The following TRPS1 variants were observed in gnomAD, a reference collection of about 807,000 sequenced individuals.
TRPS1 encodes the protein transcriptional repressor GATA binding 1, also known as zinc finger transcription factor Trps1.
In TRPS1, 6 loss-of-function variants were observed where a neutral mutation model predicts 101.2. The observed-to-expected ratio is 0.06, with a 90% confidence interval of 0.03 to 0.12. The LOEUF (loss-of-function observed/expected upper bound fraction) is 0.12. Ranked by LOEUF, TRPS1 falls within the 10% of genes least tolerant of loss-of-function variation. The pLI is 1.00. For synonymous variants in TRPS1, 578 were observed against 589.8 expected (o/e 0.98, Z 0.29); for missense variants, 1,363 against 1,567.0 (o/e 0.87, Z 2.20).
At chr8:115,541,810 G>A (rs1050260430) in intron 5 of TRPS1, among the ~76,000 whole-genome samples, 10 of 152,102 alleles carry the variant, frequency 6.6e-5, no homozygotes, top group Non-Finnish European at 1.3e-4. Context: ...ATTCTTGACC[G>A]TAATACAATA....
intron 4 of TRPS1, among the ~76,000 whole-genome samples, chr8:115,588,432 C>T (rs1817615127): frequency 6.6e-6 from 1 of 152,066 alleles, no homozygotes; most frequent in African/African-American, 2.4e-5. Context: ...AGAGGCTTTA[C>T]AAATATATTC....
chr8:115,487,875 T>C (rs1814923999), intron 5 of TRPS1, among the ~76,000 whole-genome samples: 1 of 152,216 alleles, frequency 6.6e-6, no homozygotes, highest in Non-Finnish European at 1.5e-5. Flanking sequence ...TTAAGAATAT[T>C]ACATCAACGT....
At chr8:115,552,163 C>G (rs1241047717) in intron 5 of TRPS1, among the ~76,000 whole-genome samples, 1 of 152,148 alleles carries the variant, frequency 6.6e-6, no homozygotes, top group African/African-American at 2.4e-5. Context: ...ATAGGTATCA[C>G]TTACAGTTTA....
At position 115,422,852 on chromosome 8, in the gene TRPS1, C is replaced by T. The variant is rs180923334; in HGVS notation, c.2701-4400G>A. Among the ~76,000 whole-genome samples, 4 of 152,304 alleles carry T rather than the reference C, an allele frequency of 2.6e-5. No individual in the cohort carries two copies. The East Asian group carries it at 5.8e-4, about 22-fold the overall frequency. On this transcript the variant is annotated intron_variant, in intron 5 of 6. Coordinates refer to ENST00000395715, the MANE Select transcript of TRPS1 (RefSeq NM_014112.5). ...GAGACAATAATTTGTACCTCCATCA[C>T]CTCGTGCCTGAGAGGGAAGAATTAT...
intron 3 of TRPS1, among the ~76,000 whole-genome samples, chr8:115,611,089 C>T (rs904376886): frequency 6.7e-5 from 10 of 149,998 alleles, no homozygotes; most frequent in African/African-American, 2.5e-4. Context: ...TGCACTCCAG[C>T]CTGGGCAACA....
intron 1 of TRPS1, among the ~76,000 whole-genome samples, chr8:115,645,735 C>T (rs1212492354): frequency 6.6e-6 from 1 of 152,128 alleles, no homozygotes; most frequent in East Asian, 1.9e-4. Context: ...TGGCACATGT[C>T]ATTAAAGGCC....
chr8:115,421,728 G>T (rs1036747927), intron 5 of TRPS1, among the ~76,000 whole-genome samples: 4 of 152,114 alleles, frequency 2.6e-5, no homozygotes, highest in African/African-American at 9.7e-5. Context: ...AGAGAAGGTG[G>T]GAGAAGTGGG....
chr8:115,523,527 G>A (rs1446709727), intron 5 of TRPS1, among the ~76,000 whole-genome samples: 4 of 152,002 alleles, frequency 2.6e-5, no homozygotes, highest in East Asian at 1.9e-4. Context: ...GCGAGGCTCT[G>A]TCTCAAAAAT....
At chr8:115,596,887 C>T (rs1817800400) in intron 4 of TRPS1, among the ~76,000 whole-genome samples, 1 of 151,624 alleles carries the variant, frequency 6.6e-6, no homozygotes, top group Non-Finnish European at 1.5e-5. Flanking sequence ...AAACACTATC[C>T]CACTGTGACT....
At chr8:115,666,739 C>T (rs936148834) in intron 1 of TRPS1, among the ~76,000 whole-genome samples, 2 of 152,162 alleles carry the variant, frequency 1.3e-5, no homozygotes, top group Non-Finnish European at 2.9e-5. Context: ...TGGAAGGTTC[C>T]TATTTTATTT....
At chr8:115,597,098 GTTCT>G (rs1265764279) in intron 4 of TRPS1, among the ~76,000 whole-genome samples, 2 of 151,638 alleles carry the variant, frequency 1.3e-5, no homozygotes, top group African/African-American at 4.8e-5. Context: ...TGGTTGTTTT[GTTCT>G]TTCTAAAAAA....
intron 5 of TRPS1, among the ~76,000 whole-genome samples, chr8:115,547,480 C>T (rs899140472): frequency 6.6e-5 from 10 of 152,146 alleles, no homozygotes; most frequent in Non-Finnish European, 1.2e-4. Flanking sequence ...AATACCTGCC[C>T]CTAGAGCTAG....
chr8:115,546,581 GACACACAC>G (rs71287285), intron 5 of TRPS1, among the ~76,000 whole-genome samples: 1 of 147,808 alleles, frequency 6.8e-6, no homozygotes, highest in Non-Finnish European at 1.5e-5. Context: ...TGTAAAATGT[GACACACAC>G]ACACACACAC....
At chr8:115,487,840 G>A (rs961601156) in intron 5 of TRPS1, among the ~76,000 whole-genome samples, 2 of 152,176 alleles carry the variant, frequency 1.3e-5, no homozygotes, top group South Asian at 4.1e-4. Context: ...AATATGCTGT[G>A]AATGTTGTTG....
chr8:115,532,658 C>T (rs1343827393), intron 5 of TRPS1, among the ~76,000 whole-genome samples: 1 of 151,994 alleles, frequency 6.6e-6, no homozygotes, highest in African/African-American at 2.4e-5. Context: ...TATATTGAGA[C>T]CAATATATTT....
At chr8:115,631,958 T>A (rs1297378220) in intron 1 of TRPS1, among the ~76,000 whole-genome samples, 1 of 151,760 alleles carries the variant, frequency 6.6e-6, no homozygotes, top group Non-Finnish European at 1.5e-5. Flanking sequence ...ATTTATTTTT[T>A]AAAATGGTAA....
intron 5 of TRPS1, among the ~76,000 whole-genome samples, chr8:115,426,878 T>C (rs1188639858): frequency 6.6e-6 from 1 of 152,178 alleles, no homozygotes; most frequent in African/African-American, 2.4e-5. Flanking sequence ...TCTCCTTTTA[T>C]TGATGAAGTA....
At chr8:115,460,578 G>C (rs1478312525) in intron 5 of TRPS1, among the ~76,000 whole-genome samples, 4 of 151,720 alleles carry the variant, frequency 2.6e-5, no homozygotes, top group African/African-American at 9.7e-5. Flanking sequence ...GCAAAATTTT[G>C]CAACTAGATT....
rs1815404150 is a variant in TRPS1, at chr8:115,504,900, C to T, written c.2700+82101G>A. Among the ~76,000 whole-genome samples the T allele has an allele frequency of 2.0e-5, 3 of 152,092 alleles. No homozygotes were observed. In the South Asian group the frequency reaches 6.2e-4, roughly 31 times the overall value. On this transcript the variant is annotated intron_variant, in intron 5 of 6. Transcript: ENST00000395715. ...AGAAAATATCTGACTGTAACACCAT[C>T]ACAGGATAACATTTTATTTTAATGC...
Sources: gnomAD v4.1 joint callset for allele counts (sites outside exome capture counted in the v4.1 genomes callset) on GRCh38, gnomAD v4.1.1 for gene constraint, MANE v1.5 for transcripts, NCBI Gene and HGNC (gene_info 2026-07-23, HGNC 2026-07-21) for gene names.